CERS6: variants seen among roughly 807,000 people sequenced by gnomAD.
CERS6 encodes the protein ceramide synthase 6.
A neutral mutation model predicts 56.8 loss-of-function variants in CERS6; 26 were observed. The observed-to-expected ratio is 0.46, with a 90% CI of 0.34 to 0.63. The LOEUF is 0.63. Among genes scored for constraint, CERS6 ranks in the 30% least tolerant of loss-of-function variants. CERS6 has a pLI of 0.01. For missense variants in CERS6, 415 were observed against 467.5 expected (o/e 0.89, Z 1.04); for synonymous variants, 164 against 173.3 (o/e 0.95, Z 0.42).
intron 1 of CERS6, among the ~76,000 whole-genome samples, chr2:168,494,360 C>T (rs190490805): frequency 4.3e-4 from 65 of 152,224 alleles, no homozygotes; most frequent in Admixed American, 6.5e-4. Context: ...TTTATTAGCT[C>T]TTCGACTTTG....
chr2:168,750,645 T>G (rs1209726317), intron 8 of CERS6, among the ~76,000 whole-genome samples: 1 of 152,228 alleles, frequency 6.6e-6, no homozygotes, highest in African/African-American at 2.4e-5. Flanking sequence ...TTTGATGCCC[T>G]ATTTTAGGGC....
chr2:168,675,026 A>G (rs1158244152), intron 4 of CERS6, among the ~76,000 whole-genome samples: 1 of 151,782 alleles, frequency 6.6e-6, no homozygotes, highest in Non-Finnish European at 1.5e-5. Flanking sequence ...GCCAGGCTGG[A>G]GTGCAGTGGC....
At chr2:168,547,748 C>A in intron 2 of CERS6, 47 bp downstream of exon 2, 1 of 1,265,306 alleles carries the variant, frequency 7.9e-7, no homozygotes, top group South Asian at 1.2e-5. Context: ...GGTCACCATT[C>A]TCAGCCTGCT....
chr2:168,489,639 G>A (rs1186701673), intron 1 of CERS6, among the ~76,000 whole-genome samples: 2 of 150,768 alleles, frequency 1.3e-5, no homozygotes, highest in Non-Finnish European at 3.0e-5. Context: ...CTCTTTCTTC[G>A]GTTATATATA....
chr2:168,552,866 G>T (rs968998824), intron 2 of CERS6, among the ~76,000 whole-genome samples: 1 of 152,200 alleles, frequency 6.6e-6, no homozygotes, highest in South Asian at 2.1e-4. Context: ...ACAATAAAAA[G>T]AAAGTATAGC....
chr2:168,729,574 C>T (rs1683459579), intron 8 of CERS6, among the ~76,000 whole-genome samples: 1 of 152,206 alleles, frequency 6.6e-6, no homozygotes, highest in Admixed American at 6.5e-5. Flanking sequence ...CCAGAACCAT[C>T]CCAGAAACCT....
chr2:168,760,990 C>T (rs538276186), intron 8 of CERS6, among the ~76,000 whole-genome samples: 1 of 152,238 alleles, frequency 6.6e-6, no homozygotes, highest in East Asian at 1.9e-4. Context: ...ATCTCCTGAC[C>T]TCGTGATCCG....
chr2:168,763,396 C>T (rs761663241), intron 8 of CERS6, among the ~76,000 whole-genome samples: 1 of 151,816 alleles, frequency 6.6e-6, no homozygotes, highest in Non-Finnish European at 1.5e-5. Flanking sequence ...AGGCACACAC[C>T]AGCACACTCG....
chr2:168,470,339 C>T (rs576539083), intron 1 of CERS6, among the ~76,000 whole-genome samples: 1 of 152,180 alleles, frequency 6.6e-6, no homozygotes, highest in East Asian at 1.9e-4. Context: ...ACTATGATTG[C>T]ACCATAAGAA....
intron 3 of CERS6, among the ~76,000 whole-genome samples, chr2:168,568,289 T>C (rs2105386643): frequency 6.6e-6 from 1 of 152,348 alleles, no homozygotes; most frequent in South Asian, 2.1e-4. Flanking sequence ...TGGATGGTAA[T>C]AAAGAGGACA....
chr2:168,637,364 C>A (rs1484703794), intron 4 of CERS6, among the ~76,000 whole-genome samples: 1 of 152,130 alleles, frequency 6.6e-6, no homozygotes, highest in Non-Finnish European at 1.5e-5. Context: ...CGCCTATAGT[C>A]CCAGCTACTC....
chr2:168,486,117 T>A (rs970250648), intron 1 of CERS6, among the ~76,000 whole-genome samples: 5 of 152,172 alleles, frequency 3.3e-5, no homozygotes, highest in African/African-American at 1.2e-4. Context: ...ATTGAACATC[T>A]TTTCATATGC....
At chr2:168,612,409 G>C (rs1684211759) in intron 3 of CERS6, among the ~76,000 whole-genome samples, 1 of 152,222 alleles carries the variant, frequency 6.6e-6, no homozygotes, top group Admixed American at 6.5e-5. Context: ...CACTTCTTGG[G>C]AGGTGGAGAC....
At chr2:168,650,521 C>G (rs1402353039) in intron 4 of CERS6, among the ~76,000 whole-genome samples, 1 of 152,138 alleles carries the variant, frequency 6.6e-6, no homozygotes, top group South Asian at 2.1e-4. Context: ...ATGAAATAGC[C>G]CAACTCCTGA....
intron 1 of CERS6, among the ~76,000 whole-genome samples, chr2:168,491,665 A>G (rs1299502240): frequency 1.3e-5 from 2 of 151,996 alleles, no homozygotes; most frequent in African/African-American, 4.8e-5. Context: ...AAGCTCTGGG[A>G]TACATGTGCA....
At chr2:168,628,655 C>T (rs1684644249) in intron 3 of CERS6, among the ~76,000 whole-genome samples, 1 of 152,154 alleles carries the variant, frequency 6.6e-6, no homozygotes, top group Non-Finnish European at 1.5e-5. Context: ...TGTACGTAAT[C>T]ATTTGTGGTA....
rs574262804 is a variant in CERS6, at chr2:168,600,446, T to C, written c.408-30539T>C. On this transcript the variant is annotated intron_variant, in intron 3 of 9. Coordinates refer to ENST00000305747, the MANE Select transcript of CERS6 (RefSeq NM_203463.3). Reference sequence around the variant, plus strand: ...GTCTCGATCTCCTGACCTAATGATCTGCCCGCCTCGCCCTCCAAAAGTGCT... The same window carrying C: ...GTCTCGATCTCCTGACCTAATGATCCGCCCGCCTCGCCCTCCAAAAGTGCT... 4.4e-3 allele frequency among the ~76,000 whole-genome samples: 673 copies of C among 152,266 alleles called. 7 individuals are homozygous for C. Among genetic ancestry groups the C allele is most frequent in the African/African-American group, 0.015 (626 of 41,556 alleles).
chr2:168,746,777 A>G (rs74901248), intron 8 of CERS6, among the ~76,000 whole-genome samples: 80 of 40,106 alleles, frequency 2.0e-3, no homozygotes, highest in East Asian at 5.7e-3. Flanking sequence ...GGTAAAGGGT[A>G]TATATATATA....
intron 6 of CERS6, among the ~76,000 whole-genome samples, chr2:168,708,704 T>G (rs931671891): frequency 2.6e-5 from 4 of 152,150 alleles, no homozygotes; most frequent in Admixed American, 2.6e-4. Context: ...CCTTTTTTCT[T>G]GCACTTCAGA....
Sources: gnomAD v4.1 joint callset for allele counts (sites outside exome capture counted in the v4.1 genomes callset) on GRCh38, gnomAD v4.1.1 for gene constraint, MANE v1.5 for transcripts, NCBI Gene and HGNC (gene_info 2026-07-23, HGNC 2026-07-21) for gene names.